The following PLXDC2 variants were observed in gnomAD, a reference collection of about 807,000 sequenced individuals.
PLXDC2 encodes plexin domain containing 2.
PLXDC2 carries 40 observed loss-of-function variants against 68.9 expected under a neutral mutation model. The observed-to-expected ratio is 0.58, with a 90% CI of 0.45 to 0.76. PLXDC2 has a LOEUF of 0.76. Ranked by LOEUF, PLXDC2 falls within the 30% of genes least tolerant of loss-of-function variation. The probability of loss-of-function intolerance (pLI) is 0.00; values close to 1 mark genes in which losing one functional copy is unlikely to be tolerated. For synonymous variants in PLXDC2, 243 were observed against 234.2 expected, an observed-to-expected ratio of 1.04 and a Z score of -0.34; for missense variants, 644 against 661.9, an observed-to-expected ratio of 0.97 and a Z score of 0.30.
chr10:20,110,687 G>A (rs1000383881), intron 4 of PLXDC2, among the ~76,000 whole-genome samples: 7 of 152,050 alleles, frequency 4.6e-5, no homozygotes, highest in Non-Finnish European at 7.4e-5. Flanking sequence ...TGTTCCTCCC[G>A]GCAGCTGACC....
intron 4 of PLXDC2, among the ~76,000 whole-genome samples, chr10:20,116,846 C>T (rs1833628828): frequency 6.6e-6 from 1 of 151,942 alleles, no homozygotes; most frequent in Non-Finnish European, 1.5e-5. Flanking sequence ...TTGTATTTTG[C>T]TTATTGCCTA....
intron 1 of PLXDC2, among the ~76,000 whole-genome samples, chr10:19,880,345 A>C (rs1330611572): frequency 6.6e-6 from 1 of 152,248 alleles, no homozygotes; most frequent in East Asian, 1.9e-4. Context: ...TCCTATATGC[A>C]CTATAATTTT....
At chr10:20,043,747 G>T (rs59709344) in intron 2 of PLXDC2, among the ~76,000 whole-genome samples, 2,694 of 151,848 alleles carry the variant, frequency 0.018, 77 homozygotes, top group African/African-American at 0.061. Context: ...TTTAAACACC[G>T]TGAATATTTT....
intron 4 of PLXDC2, among the ~76,000 whole-genome samples, chr10:20,096,622 A>G (rs1019209275): frequency 2.0e-5 from 3 of 152,152 alleles, no homozygotes; most frequent in African/African-American, 7.2e-5. Flanking sequence ...AGAGACACCA[A>G]CCATGCCACA....
At chr10:20,051,063 G>T (rs1378294582) in intron 3 of PLXDC2, among the ~76,000 whole-genome samples, 1 of 151,942 alleles carries the variant, frequency 6.6e-6, no homozygotes. Context: ...CATATAAAAA[G>T]AACAAGATCA....
At chr10:20,154,919 A>C (rs112368801) in intron 6 of PLXDC2, among the ~76,000 whole-genome samples, 6 of 152,250 alleles carry the variant, frequency 3.9e-5, no homozygotes, top group African/African-American at 1.4e-4. Flanking sequence ...AGACTGGCTT[A>C]GCCCAGGAGT....
intron 4 of PLXDC2, among the ~76,000 whole-genome samples, chr10:20,120,110 T>C (rs373048008): frequency 0.079 from 12,004 of 152,004 alleles, 607 homozygotes; most frequent in South Asian, 0.28. Context: ...GAGCAGGGCA[T>C]GTATGAGTAG....
At chr10:20,089,233 A>G (rs529558857) in intron 4 of PLXDC2, among the ~76,000 whole-genome samples, 1 of 151,466 alleles carries the variant, frequency 6.6e-6, no homozygotes, top group Admixed American at 6.6e-5. Context: ...CAATGTAGAG[A>G]TGTTAGCAAA....
At chr10:19,875,419 G>A (rs1480554841) in intron 1 of PLXDC2, among the ~76,000 whole-genome samples, 1 of 152,108 alleles carries the variant, frequency 6.6e-6, no homozygotes, top group Non-Finnish European at 1.5e-5. Context: ...AAGATAAAAT[G>A]GAATAAAGTT....
intron 7 of PLXDC2, among the ~76,000 whole-genome samples, chr10:20,167,566 C>A (rs891092782): frequency 1.3e-5 from 2 of 152,086 alleles, no homozygotes; most frequent in Non-Finnish European, 2.9e-5. Flanking sequence ...AACTTTTTTA[C>A]CCCCACCAAG....
chr10:19,885,294 T>C (rs1039298720), intron 1 of PLXDC2, among the ~76,000 whole-genome samples: 1 of 150,618 alleles, frequency 6.6e-6, no homozygotes, highest in Non-Finnish European at 1.5e-5. Flanking sequence ...TTTCTCCCAT[T>C]TTGTAGGTTG....
chr10:20,089,517 A>G (rs10764200), intron 4 of PLXDC2, among the ~76,000 whole-genome samples: 103,473 of 152,044 alleles, frequency 0.68, 37,691 homozygotes, highest in East Asian at 1. Flanking sequence ...GGAACATTAT[A>G]TACAAGTCCT....
At chr10:19,930,982 AGAGAGAAAGAAAGTG>A (rs1005608690) in intron 1 of PLXDC2, among the ~76,000 whole-genome samples, 3 of 152,136 alleles carry the variant, frequency 2.0e-5, no homozygotes, top group Non-Finnish European at 4.4e-5. Context: ...AAAGAGAGAG[AGAGAGAAAGAAAGTG>A]GAGAGAAAGA....
At chr10:20,108,791 C>G (rs1234249263) in intron 4 of PLXDC2, among the ~76,000 whole-genome samples, 2 of 152,006 alleles carry the variant, frequency 1.3e-5, no homozygotes, top group Non-Finnish European at 2.9e-5. Context: ...CTGCCTTATC[C>G]TGACTTTTTA....
chr10:20,247,131 T>C (rs1371352168), intron 13 of PLXDC2, among the ~76,000 whole-genome samples: 1 of 151,964 alleles, frequency 6.6e-6, no homozygotes, highest in Non-Finnish European at 1.5e-5. Flanking sequence ...ATTCTCCATG[T>C]CACAAAGACA....
chr10:19,861,441 C>T (rs1416852161), intron 1 of PLXDC2, among the ~76,000 whole-genome samples: 2 of 152,124 alleles, frequency 1.3e-5, no homozygotes, highest in East Asian at 3.9e-4. Context: ...TAAAACCTCA[C>T]TTTGCCACCC....
chr10:20,101,355 C>T lies in PLXDC2; in HGVS notation c.541+33116C>T, dbSNP rs117768610. Among the ~76,000 whole-genome samples the T allele has an allele frequency of 9.1e-3, 1,378 of 152,228 alleles. 8 individuals carry two copies. The highest frequency in any genetic ancestry group is 9.9e-3 in the Non-Finnish European group (671 of 68,008). On this transcript the variant is annotated intron_variant, in intron 4 of 13. Transcript: ENST00000377252. ...CAAACTCCTGTCAACTGTAGTCAAT[C>T]GTTTTATTCTTTAGACTGAGACTCC...
intron 1 of PLXDC2, among the ~76,000 whole-genome samples, chr10:19,841,952 C>T (rs1185720151): frequency 6.6e-6 from 1 of 151,972 alleles, no homozygotes; most frequent in African/African-American, 2.4e-5. Flanking sequence ...AACAAACACC[C>T]CAATGGATAG....
intron 3 of PLXDC2, among the ~76,000 whole-genome samples, chr10:20,054,117 T>C (rs1835952293): frequency 6.6e-6 from 1 of 151,824 alleles, no homozygotes; most frequent in Admixed American, 6.6e-5. Flanking sequence ...GACGGAAAAT[T>C]TGGCCAAGAG....
Sources: allele counts gnomAD v4.1 joint callset (sites outside exome capture counted in the v4.1 genomes callset), GRCh38; gene constraint gnomAD v4.1.1; transcripts MANE v1.5; gene names NCBI Gene and HGNC (gene_info 2026-07-23, HGNC 2026-07-21).